Variants in PCDH15 observed in about 807,000 individuals in gnomAD.
The protein encoded by PCDH15 is protocadherin-15.
PCDH15 carries 129 observed loss-of-function variants against 178.5 expected under a neutral mutation model. The observed-to-expected ratio is 0.72, with a 90% confidence interval of 0.63 to 0.84. PCDH15 has a LOEUF of 0.84. Ranked by LOEUF, PCDH15 falls within the 40% of genes least tolerant of loss-of-function variation. The pLI is 0.00. For missense variants in PCDH15, 2,230 were observed against 2,099.9 expected, an observed-to-expected ratio of 1.06 and a Z score of -1.21; for synonymous variants, 800 against 732.0, an observed-to-expected ratio of 1.09 and a Z score of -1.50.
chr10:54,468,915 T>C (rs965505250), intron 3 of PCDH15, among the ~76,000 whole-genome samples: 3 of 152,176 alleles, frequency 2.0e-5, no homozygotes, highest in Non-Finnish European at 4.4e-5. Context: ...TTGTCTCTGC[T>C]GTTTTTGATT....
chr10:54,818,397 T>C (rs1373282665), intron 3 of PCDH15, among the ~76,000 whole-genome samples: 1 of 152,072 alleles, frequency 6.6e-6, no homozygotes, highest in Non-Finnish European at 1.5e-5. Flanking sequence ...AACATACTTT[T>C]TTTCTGTCAC....
At chr10:54,410,084 T>C (rs1398144107) in intron 3 of PCDH15, among the ~76,000 whole-genome samples, 1 of 152,192 alleles carries the variant, frequency 6.6e-6, no homozygotes, top group Non-Finnish European at 1.5e-5. Context: ...ACTGTAATTC[T>C]TCTGTATAAC....
chr10:54,523,997 T>C (rs973398479), intron 3 of PCDH15, among the ~76,000 whole-genome samples: 4 of 152,336 alleles, frequency 2.6e-5, no homozygotes, highest in East Asian at 3.9e-4. Context: ...AGGAAAGTTC[T>C]GTACAAAGAA....
chr10:55,306,604 G>A (rs562992341), intron 1 of PCDH15, among the ~76,000 whole-genome samples: 8 of 152,252 alleles, frequency 5.3e-5, no homozygotes, highest in Non-Finnish European at 1.0e-4. Context: ...GAACCTGGAA[G>A]GAGTGTAAAA....
intron 3 of PCDH15, among the ~76,000 whole-genome samples, chr10:54,445,477 G>C (rs1268874473): frequency 2.0e-5 from 3 of 151,478 alleles, no homozygotes; most frequent in Non-Finnish European, 4.4e-5. Context: ...CATGATAGTG[G>C]TTAAGAGCGT....
chr10:54,383,985 ATTTTTTTTT>A (rs59756150), intron 3 of PCDH15, among the ~76,000 whole-genome samples: 12 of 129,168 alleles, frequency 9.3e-5, no homozygotes, highest in African/African-American at 2.4e-4. Flanking sequence ...CAAACAGTTA[ATTTTTTTTT>A]TTTTTTTTTT....
intron 2 of PCDH15, among the ~76,000 whole-genome samples, chr10:55,470,266 A>G (rs1589056905): frequency 6.6e-6 from 1 of 151,980 alleles, no homozygotes. Flanking sequence ...GAATCTCGTG[A>G]ACCCAGGAGG....
intron 3 of PCDH15, among the ~76,000 whole-genome samples, chr10:54,870,929 C>T (rs1255087982): frequency 1.3e-5 from 2 of 152,120 alleles, no homozygotes; most frequent in Admixed American, 6.6e-5. Context: ...TACGTAGTAA[C>T]TTAGCTAAAG....
chr10:54,184,383 T>C (rs1032531581), intron 12 of PCDH15, among the ~76,000 whole-genome samples: 2 of 137,650 alleles, frequency 1.5e-5, no homozygotes, highest in African/African-American at 5.0e-5. Flanking sequence ...AATTAGAAGT[T>C]ACATTTTTTC....
intron 25 of PCDH15, among the ~76,000 whole-genome samples, chr10:53,931,078 A>C (rs1045565733): frequency 2.0e-5 from 3 of 152,210 alleles, no homozygotes; most frequent in Non-Finnish European, 4.4e-5. Context: ...GTTTGAGTGC[A>C]GGAAGAATGA....
At chr10:54,719,726 G>A (rs1325300834) in intron 1 of PCDH15, among the ~76,000 whole-genome samples, 4 of 151,890 alleles carry the variant, frequency 2.6e-5, no homozygotes, top group Non-Finnish European at 4.4e-5. Flanking sequence ...CCCTTCGTGT[G>A]TCCATGTGTT....
chr10:55,022,484 T>A (rs1482971647), intron 2 of PCDH15, among the ~76,000 whole-genome samples: 1 of 150,594 alleles, frequency 6.6e-6, no homozygotes, highest in Non-Finnish European at 1.5e-5. Context: ...AGAGATATTA[T>A]GTATTCTTAC....
chr10:54,623,185 C>G (rs1435891108), intron 2 of PCDH15, among the ~76,000 whole-genome samples: 1 of 152,028 alleles, frequency 6.6e-6, no homozygotes, highest in Non-Finnish European at 1.5e-5. Context: ...CTACTTACAG[C>G]CTTACTCATC....
At chr10:54,788,719 G>T (rs1951119202) in intron 1 of PCDH15, among the ~76,000 whole-genome samples, 1 of 151,754 alleles carries the variant, frequency 6.6e-6, no homozygotes, top group Non-Finnish European at 1.5e-5. Context: ...TAAGATGGGG[G>T]AAAAGTCAGC....
chr10:55,203,068 G>A (rs1840300019), intron 1 of PCDH15, among the ~76,000 whole-genome samples: 1 of 152,120 alleles, frequency 6.6e-6, no homozygotes, highest in Admixed American at 6.5e-5. Context: ...ATAAAAATCA[G>A]TCTTATCATG....
At chr10:54,650,251 G>T (rs189001939) in intron 2 of PCDH15, among the ~76,000 whole-genome samples, 1 of 152,020 alleles carries the variant, frequency 6.6e-6, no homozygotes, top group African/African-American at 2.4e-5. Context: ...TGTGGCTATC[G>T]CATTTCAAGC....
chr10:54,753,336 C>T (rs1356085310), intron 1 of PCDH15, among the ~76,000 whole-genome samples: 7 of 152,030 alleles, frequency 4.6e-5, no homozygotes, highest in Admixed American at 2.0e-4. Flanking sequence ...GGCGCATACA[C>T]CATGCCCAGC....
intron 1 of PCDH15, among the ~76,000 whole-genome samples, chr10:55,242,697 A>G (rs1841581844): frequency 6.8e-6 from 1 of 147,748 alleles, no homozygotes; most frequent in Non-Finnish European, 1.5e-5. Context: ...CAAAAGAAAA[A>G]AAAAGTAGCT....
At chr10:54,595,961 G>A (rs2092213528) in intron 2 of PCDH15, among the ~76,000 whole-genome samples, 1 of 151,976 alleles carries the variant, frequency 6.6e-6, no homozygotes, top group African/African-American at 2.4e-5. Context: ...GGAAATATAG[G>A]AATATATAAA....
Sources: allele counts gnomAD v4.1 joint callset (sites outside exome capture counted in the v4.1 genomes callset), GRCh38; gene constraint gnomAD v4.1.1; transcripts MANE v1.5; gene names NCBI Gene and HGNC (gene_info 2026-07-23, HGNC 2026-07-21).